FBXW11: variants seen among roughly 807,000 people sequenced by gnomAD.
FBXW11 encodes the protein F-box/WD repeat-containing protein 11.
Under a neutral mutation model 77.6 loss-of-function variants are expected in FBXW11, and 19 were observed. The ratio of observed to expected loss-of-function variants is 0.24; its 90% CI spans 0.17 to 0.36. The LOEUF (loss-of-function observed/expected upper bound fraction) is 0.36. FBXW11 is among the 10% of genes least tolerant of loss of function. The pLI is 1.00. For synonymous variants in FBXW11, 235 were observed against 249.4 expected, an observed-to-expected ratio of 0.94 and a Z score of 0.54; for missense variants, 334 against 704.2, an observed-to-expected ratio of 0.47 and a Z score of 5.95.
At chr5:172,004,680 TG>T (rs1438245062) in intron 1 of FBXW11, among the ~76,000 whole-genome samples, 1 of 152,222 alleles carries the variant, frequency 6.6e-6, no homozygotes, top group Non-Finnish European at 1.5e-5. Flanking sequence ...GTACTTCTGT[TG>T]TAAGTACATG....
intron 2 of FBXW11, among the ~76,000 whole-genome samples, chr5:171,923,526 AT>A: frequency 6.6e-6 from 1 of 152,246 alleles, no homozygotes; most frequent in South Asian, 2.1e-4. Context: ...GTACATTTTC[AT>A]TTAAAATTCA....
At chr5:171,892,238 G>T (rs1309321571) in intron 6 of FBXW11, among the ~76,000 whole-genome samples, 2 of 152,198 alleles carry the variant, frequency 1.3e-5, no homozygotes, top group South Asian at 4.1e-4. Flanking sequence ...ACTGCATTCA[G>T]GGAGGCACCA....
At chr5:171,971,902 T>C (rs981638656) in intron 1 of FBXW11, among the ~76,000 whole-genome samples, 6 of 152,126 alleles carry the variant, frequency 3.9e-5, no homozygotes, top group Admixed American at 6.5e-5. Flanking sequence ...GAAAATCACC[T>C]GAGCCTGGGA....
At chr5:171,948,350 CAAAG>C (rs1763127760) in intron 2 of FBXW11, among the ~76,000 whole-genome samples, 2 of 144,098 alleles carry the variant, frequency 1.4e-5, no homozygotes, top group South Asian at 4.5e-4. Context: ...TGACAGAAAA[CAAAG>C]AACAGATATT....
intron 2 of FBXW11, among the ~76,000 whole-genome samples, chr5:171,922,203 C>T (rs1322005519): frequency 1.3e-5 from 2 of 152,066 alleles, no homozygotes; most frequent in African/African-American, 4.8e-5. Flanking sequence ...ATATAGGTCA[C>T]AGAAGAAAAT....
At chr5:171,935,193 G>A (rs1053497357) in intron 2 of FBXW11, among the ~76,000 whole-genome samples, 18 of 152,126 alleles carry the variant, frequency 1.2e-4, no homozygotes, top group African/African-American at 1.9e-4. Flanking sequence ...TCCTGACCTC[G>A]TGATCTGCCC....
chr5:171,906,441 CA>C (rs1248743989), intron 4 of FBXW11, among the ~76,000 whole-genome samples: 1 of 152,098 alleles, frequency 6.6e-6, no homozygotes, highest in East Asian at 1.9e-4. Flanking sequence ...ACCCAGGAAA[CA>C]AAACAACAAA....
chr5:171,980,007 G>T (rs1049935863), intron 1 of FBXW11, among the ~76,000 whole-genome samples: 2 of 152,214 alleles, frequency 1.3e-5, no homozygotes, highest in Non-Finnish European at 2.9e-5. Flanking sequence ...GTAACTTGTG[G>T]AATGCTGAGA....
intron 1 of FBXW11, among the ~76,000 whole-genome samples, chr5:171,968,693 C>T (rs1448719836): frequency 6.6e-6 from 1 of 152,088 alleles, no homozygotes; most frequent in Non-Finnish European, 1.5e-5. Context: ...TAGACATTTT[C>T]TAGGAACTGA....
chr5:171,907,888 A>T (rs1760631909), intron 4 of FBXW11, among the ~76,000 whole-genome samples: 2 of 152,232 alleles, frequency 1.3e-5, no homozygotes, highest in African/African-American at 2.4e-5. Flanking sequence ...CTATACTCTG[A>T]AAAATCAAGA....
chr5:171,915,732 G>A lies in FBXW11; in HGVS notation c.148-1327C>T, dbSNP rs182230766. On this transcript the variant is annotated intron_variant, in intron 2 of 13. Coordinates refer to ENST00000517395, the MANE Select transcript of FBXW11 (RefSeq NM_001378974.1). ...GGGGATGGAGACTGCCCTACACAAT[G>A]CTTAGTGCATAATGGGTATTCCAAA... Among the ~76,000 whole-genome samples the A allele has an allele frequency of 2.2e-4, 34 of 151,852 alleles. No individual in the cohort carries two copies. The East Asian group carries it at 6.4e-3, about 29-fold the overall frequency.
At chr5:171,948,496 G>C (rs1763138054) in intron 2 of FBXW11, among the ~76,000 whole-genome samples, 1 of 152,044 alleles carries the variant, frequency 6.6e-6, no homozygotes, top group Admixed American at 6.6e-5. Flanking sequence ...TCAGCACTTT[G>C]GGAGGTAGAG....
chr5:172,001,618 C>G (rs1415013320), intron 1 of FBXW11, among the ~76,000 whole-genome samples: 1 of 152,184 alleles, frequency 6.6e-6, no homozygotes, highest in Non-Finnish European at 1.5e-5. Context: ...TTAAGTGCTA[C>G]AGGATAAATA....
intron 6 of FBXW11, among the ~76,000 whole-genome samples, chr5:171,898,485 T>G (rs1347270027): frequency 6.6e-6 from 1 of 152,222 alleles, no homozygotes; most frequent in Non-Finnish European, 1.5e-5. Flanking sequence ...TTACAGAGTT[T>G]TACTGGTCTG....
intron 4 of FBXW11, among the ~76,000 whole-genome samples, chr5:171,910,281 G>A (rs1309805853): frequency 1.3e-5 from 2 of 151,982 alleles, no homozygotes; most frequent in East Asian, 3.9e-4. Flanking sequence ...GGCCAGGCTG[G>A]TATCAAACTT....
intron 2 of FBXW11, among the ~76,000 whole-genome samples, chr5:171,945,447 G>A (rs1396404544): frequency 1.3e-5 from 2 of 152,156 alleles, no homozygotes; most frequent in Non-Finnish European, 2.9e-5. Context: ...CCCTGTTTAG[G>A]TCACAAGCTC....
At chr5:171,932,041 A>AATT (rs1762235715) in intron 2 of FBXW11, among the ~76,000 whole-genome samples, 1 of 151,842 alleles carries the variant, frequency 6.6e-6, no homozygotes, top group South Asian at 2.1e-4. Context: ...TACGTGGCTA[A>AATT]TTTTTGTATA....
At chr5:171,966,340 A>G (rs1450171306) in intron 1 of FBXW11, among the ~76,000 whole-genome samples, 1 of 152,144 alleles carries the variant, frequency 6.6e-6, no homozygotes, top group East Asian at 1.9e-4. Flanking sequence ...GGAAATCCAA[A>G]GGAAAAAAAA....
At chr5:171,974,721 C>T (rs1764725575) in intron 1 of FBXW11, among the ~76,000 whole-genome samples, 1 of 152,106 alleles carries the variant, frequency 6.6e-6, no homozygotes, top group Non-Finnish European at 1.5e-5. Context: ...CATAACAAGA[C>T]CTCATCTCTT....
Sources: gnomAD v4.1 joint callset for allele counts (sites outside exome capture counted in the v4.1 genomes callset) on GRCh38, gnomAD v4.1.1 for gene constraint, MANE v1.5 for transcripts, NCBI Gene and HGNC (gene_info 2026-07-23, HGNC 2026-07-21) for gene names.